FAM151B: variants seen among roughly 807,000 people sequenced by gnomAD.
The protein encoded by FAM151B is protein FAM151B.
Under a neutral mutation model 31.2 loss-of-function variants are expected in FAM151B, and 24 were observed. That is an observed-to-expected ratio of 0.77 (90% CI 0.56 to 1.08). The LOEUF (loss-of-function observed/expected upper bound fraction) is 1.08. FAM151B is among the 50% of genes least tolerant of loss of function. The pLI is 0.00. For synonymous variants in FAM151B, 105 were observed against 111.4 expected (o/e 0.94, Z 0.36); for missense variants, 293 against 328.6 (o/e 0.89, Z 0.84).
At chr5:80,540,308 C>T (rs1745818356) in intron 5 of FAM151B, among the ~76,000 whole-genome samples, 2 of 152,162 alleles carry the variant, frequency 1.3e-5, no homozygotes, top group African/African-American at 2.4e-5. Context: ...GCAGTGACAC[C>T]AAGCTGCTTC....
intron 5 of FAM151B, chr5:80,522,647 A>G (rs1415523462): frequency 2.6e-5 from 4 of 152,144 alleles, no homozygotes; most frequent in African/African-American, 7.2e-5. Flanking sequence ...CTGTAGTCTC[A>G]GCTACTCGGG....
intron 3 of FAM151B, among the ~76,000 whole-genome samples, chr5:80,518,346 G>A (rs1466696594): frequency 1.3e-5 from 2 of 152,160 alleles, no homozygotes; most frequent in African/African-American, 4.8e-5. Flanking sequence ...AGCACCTCAT[G>A]GGGACTTGGC....
chr5:80,518,076 A>G (rs943411182), intron 3 of FAM151B, among the ~76,000 whole-genome samples: 2 of 111,086 alleles, frequency 1.8e-5, no homozygotes, highest in Non-Finnish European at 4.0e-5. Context: ...CATCTCAAAG[A>G]AAAAAAAAAA....
At chr5:80,523,922 C>T (rs576989524) in intron 5 of FAM151B, among the ~76,000 whole-genome samples, 17 of 152,198 alleles carry the variant, frequency 1.1e-4, no homozygotes, top group Non-Finnish European at 2.4e-4. Flanking sequence ...TAAAGTATCC[C>T]GTGATGCTAT....
In FAM151B at chr5:80,538,459, TTTCTTTCTTTCTTTCTTTCTTTCTTTCC is replaced by T. The variant is rs1561383670; in HGVS notation, c.672-3210_672-3183del. ...TTCTTTCTTTCTTTCTCTTTCTTTCTTTCTTTCTTTCTTTCTTTCTTTCTTTCCTTCCTTCCTTCCTTTCTTTTCTTTC... is the reference window on the plus strand; with the variant it reads ...TTCTTTCTTTCTTTCTCTTTCTTTCTTTCCTTCCTTCCTTTCTTTTCTTTC... On this transcript the variant is annotated intron_variant, in intron 5 of 5. Coordinates refer to ENST00000282226, the MANE Select transcript of FAM151B (RefSeq NM_205548.3). 7.3e-4 allele frequency among the ~76,000 whole-genome samples: 55 copies of T among 75,058 alleles called. 1 individual carries two copies. Among genetic ancestry groups the T allele is most frequent in the African/African-American group, 2.6e-3 (53 of 20,104 alleles). 49.2% of individuals were successfully genotyped at this position (75,058 alleles called of 152,430 possible).
intron 5 of FAM151B, among the ~76,000 whole-genome samples, chr5:80,528,154 G>A (rs921485050): frequency 1.3e-4 from 19 of 151,988 alleles, no homozygotes; most frequent in Non-Finnish European, 2.2e-4. Flanking sequence ...TGAAATAATG[G>A]TTTATAAGAT....
chr5:80,508,603 C>G (rs1030877226), intron 2 of FAM151B, among the ~76,000 whole-genome samples: 9 of 152,194 alleles, frequency 5.9e-5, no homozygotes, highest in Admixed American at 5.9e-4. Flanking sequence ...TTAGCCTGTT[C>G]CCTGCCTGTA....
chr5:80,489,287 C>T (rs1157069225), intron 1 of FAM151B, among the ~76,000 whole-genome samples: 1 of 152,148 alleles, frequency 6.6e-6, no homozygotes, highest in Non-Finnish European at 1.5e-5. Flanking sequence ...TTATCCTGGA[C>T]ACGATTCTTG....
At chr5:80,539,071 A>T (rs900180887) in intron 5 of FAM151B, among the ~76,000 whole-genome samples, 5 of 130,530 alleles carry the variant, frequency 3.8e-5, no homozygotes, top group Non-Finnish European at 7.9e-5. Context: ...TCCTAGGTGT[A>T]TGATATTTAT....
intron 5 of FAM151B, among the ~76,000 whole-genome samples, chr5:80,536,900 ATAGG>A (rs1303850706): frequency 6.6e-6 from 1 of 151,636 alleles, no homozygotes; most frequent in Non-Finnish European, 1.5e-5. Flanking sequence ...AGAGGCGGGG[ATAGG>A]TAGTGGTGGT....
At chr5:80,533,749 C>CA (rs71601590) in intron 5 of FAM151B, among the ~76,000 whole-genome samples, 7,876 of 67,448 alleles carry the variant, frequency 0.12, 1,037 homozygotes, top group African/African-American at 0.26. Flanking sequence ...GACTCCATCT[C>CA]AAAAAAAAAA....
chr5:80,521,116 CTTT>C (rs57212651), intron 4 of FAM151B, among the ~76,000 whole-genome samples: 3 of 71,878 alleles, frequency 4.2e-5, no homozygotes, highest in Admixed American at 2.1e-4. Flanking sequence ...TGCACCTGGC[CTTT>C]TTTTTTTTTT....
intron 2 of FAM151B, chr5:80,510,920 G>A (rs1302251770): frequency 6.6e-6 from 1 of 152,196 alleles, no homozygotes. Flanking sequence ...GACGTGCATG[G>A]TCGGATAAGA....
intron 2 of FAM151B, among the ~76,000 whole-genome samples, chr5:80,511,410 G>A (rs957149417): frequency 4.4e-5 from 6 of 135,712 alleles, no homozygotes; most frequent in African/African-American, 1.7e-4. Flanking sequence ...AGAGTTTCAG[G>A]TTGCAATAGA....
At chr5:80,488,835 G>A (rs1433562654) in intron 1 of FAM151B, among the ~76,000 whole-genome samples, 1 of 152,028 alleles carries the variant, frequency 6.6e-6, no homozygotes, top group Non-Finnish European at 1.5e-5. Context: ...ACAGTTTACA[G>A]AATCTTGGAA....
intron 2 of FAM151B, among the ~76,000 whole-genome samples, chr5:80,513,032 G>A (rs1161960026): frequency 1.3e-5 from 2 of 152,194 alleles, no homozygotes; most frequent in African/African-American, 4.8e-5. Context: ...TGGGAAGAGC[G>A]GTATGCATGT....
chr5:80,516,060 C>T (rs1370938861), intron 3 of FAM151B, among the ~76,000 whole-genome samples: 1 of 152,194 alleles, frequency 6.6e-6, no homozygotes, highest in Non-Finnish European at 1.5e-5. Flanking sequence ...CGCAGTGGCT[C>T]ATGACTATAA....
In FAM151B at chr5:80,500,883, C is replaced by G; in HGVS notation, c.26-909C>G. 8.3e-6 allele frequency: 7 copies of G among 840,122 alleles called. No individual in the cohort carries two copies. The South Asian group carries it at 9.2e-5, about 11-fold the overall frequency. 52.0% of individuals were successfully genotyped at this position (840,122 alleles called of 1,614,324 possible). A position where few individuals can be genotyped will look rare whatever the true frequency, so the allele number is the denominator to read the frequency against. On this transcript the variant is annotated intron_variant, in intron 1 of 5. Coordinates refer to ENST00000282226, the MANE Select transcript of FAM151B (RefSeq NM_205548.3). ...CATCTCTTGGTAAATATGGCATCCT[C>G]TGCATGGAGGATCTGATTCATGAGA...
intron 1 of FAM151B, among the ~76,000 whole-genome samples, chr5:80,499,331 G>A (rs965789675): frequency 3.9e-5 from 6 of 152,156 alleles, no homozygotes; most frequent in African/African-American, 1.4e-4. Flanking sequence ...CCAAAAAGTA[G>A]TTGAAAGATA....
Sources: allele counts gnomAD v4.1 joint callset (sites outside exome capture counted in the v4.1 genomes callset), GRCh38; gene constraint gnomAD v4.1.1; transcripts MANE v1.5; gene names NCBI Gene and HGNC (gene_info 2026-07-23, HGNC 2026-07-21).